Variants in NCKAP1 observed in about 807,000 individuals in gnomAD.
NCKAP1 encodes the protein NCK associated protein 1.
NCKAP1 carries 21 observed loss-of-function variants against 151.2 expected under a neutral mutation model. The ratio of observed to expected loss-of-function variants is 0.14; its 90% CI spans 0.10 to 0.20. The LOEUF is 0.20. Among genes scored for constraint, NCKAP1 ranks in the 10% least tolerant of loss-of-function variants. NCKAP1 has a pLI of 1.00. For synonymous variants in NCKAP1, 484 were observed against 451.8 expected (o/e 1.07, Z -0.90); for missense variants, 933 against 1,352.1 (o/e 0.69, Z 4.86).
rs1697675647 is a variant in NCKAP1, at chr2:182,971,006, A to C, written c.1483-3645T>G. 3.3e-5 allele frequency among the ~76,000 whole-genome samples: 5 copies of C among 152,188 alleles called. No homozygotes were observed. In the South Asian group the frequency reaches 1.0e-3, roughly 32 times the overall value. ...ATCTCATTTACAATAACTACCAAAA[A>C]AAAAGCCTATGAACAAACTTAAACA... On this transcript the variant is annotated intron_variant, in intron 15 of 30. Coordinates refer to ENST00000361354, the MANE Select transcript of NCKAP1 (RefSeq NM_013436.5).
At chr2:183,016,364 T>C (rs1698687627) in intron 2 of NCKAP1, among the ~76,000 whole-genome samples, 2 of 152,122 alleles carry the variant, frequency 1.3e-5, no homozygotes, top group Non-Finnish European at 2.9e-5. Context: ...TCCTGAGGAG[T>C]TCTTTTATTT....
At chr2:183,017,613 G>A (rs371087056) in intron 2 of NCKAP1, among the ~76,000 whole-genome samples, 47 of 152,114 alleles carry the variant, frequency 3.1e-4, no homozygotes, top group Non-Finnish European at 5.1e-4. Context: ...CTGGGCAGCC[G>A]GGTTCCTAAC....
intron 18 of NCKAP1, among the ~76,000 whole-genome samples, chr2:182,958,965 A>G (rs1013712081): frequency 7.9e-5 from 12 of 152,222 alleles, no homozygotes; most frequent in African/African-American, 2.9e-4. Flanking sequence ...TGCTGACATA[A>G]TAACATTTTG....
chr2:182,920,364 C>A lies in NCKAP1; in HGVS notation c.*5338G>T, dbSNP rs1347825297. ...CTGGTGTTCATGCAATTAAAGATGA[C>A]ATGAACATAGACATTCAGAAGCAAC... On this transcript the variant is annotated 3_prime_UTR_variant, in exon 31 of 31. Transcript: ENST00000361354. 6.6e-6 allele frequency: 1 copy of A among 152,148 alleles called. No homozygotes were observed. The highest frequency in any genetic ancestry group is 1.5e-5 in the Non-Finnish European group (1 of 68,044). The allele number at this position is 152,148 out of a possible 1,614,324, so 9.4% of individuals were successfully genotyped here. A position where few individuals can be genotyped will look rare whatever the true frequency, so the allele number is the denominator to read the frequency against.
intron 23 of NCKAP1, among the ~76,000 whole-genome samples, chr2:182,950,411 C>A (rs1415990667): frequency 2.6e-5 from 4 of 151,836 alleles, no homozygotes; most frequent in African/African-American, 9.7e-5. Flanking sequence ...TTATCTCATA[C>A]TGAAGGAACA....
chr2:182,946,234 C>T (rs1199293760), intron 23 of NCKAP1, among the ~76,000 whole-genome samples: 2 of 152,072 alleles, frequency 1.3e-5, no homozygotes, highest in Non-Finnish European at 2.9e-5. Context: ...CCCGTCTCTA[C>T]TAAAAAATAC....
rs117970933 is a variant in NCKAP1, at chr2:182,989,567, C to T, written c.791-381G>A. 7.4e-4 allele frequency among the ~76,000 whole-genome samples: 113 copies of T among 152,210 alleles called. 3 individuals carry two copies. In the East Asian group the frequency reaches 0.012, roughly 16 times the overall value. ...CTTAAAAATAAAGCTTATCTTGGGG[C>T]CCGGTGCTGTGGCTTATGCCTTTAA... On this transcript the variant is annotated intron_variant, in intron 8 of 30. Transcript: ENST00000361354.
In NCKAP1 at chr2:182,942,094, C is replaced by A; in HGVS notation, c.2671G>T (p.Ala891Ser). 1.2e-6 allele frequency: 2 copies of A among 1,612,990 alleles called. No individual in the cohort carries two copies. The highest frequency in any genetic ancestry group is 1.7e-6 in the Non-Finnish European group (2 of 1,179,262). ...CATGATAATCTTTTAAACAGTGCAG[C>A]CATCTGGTCTGGTTTGTCAAAGCTG... Reference protein sequence around the residue: ...RTSFDKPDQMAALFKRLSSVD... With the variant: ...RTSFDKPDQMSALFKRLSSVD... Residue 891 changes from alanine (A) to serine (S), a missense_variant, in exon 24 of 31, where the codon GCT becomes TCT. Ala to Ser is a moderately conservative substitution (Grantham distance 99). This residue lies in a region of NCKAP1 where 326 missense variants were observed against 557.1 expected (regional missense o/e 0.59). Coordinates refer to ENST00000361354, the MANE Select transcript of NCKAP1 (RefSeq NM_013436.5).
intron 2 of NCKAP1, among the ~76,000 whole-genome samples, chr2:183,017,971 C>A (rs757639776): frequency 6.6e-6 from 1 of 152,066 alleles, no homozygotes. Context: ...GATACCTGGC[C>A]GGGTGCGGTG....
Position 182,920,348 on chromosome 2 carries a change from A to G in NCKAP1, c.*5354T>C, listed in dbSNP as rs1171534641. 1 of 152,188 alleles carries G rather than the reference A, an allele frequency of 6.6e-6. No individual in the cohort carries two copies. The highest frequency in any genetic ancestry group is 2.1e-4 in the South Asian group (1 of 4,826). The allele number at this position is 152,188 out of a possible 1,614,324, so 9.4% of individuals were successfully genotyped here. ...AGGGAAGATGCTAAAACTGGTGTTCATGCAATTAAAGATGACATGAACATA... is the reference window on the plus strand; with the variant it reads ...AGGGAAGATGCTAAAACTGGTGTTCGTGCAATTAAAGATGACATGAACATA... On this transcript the variant is annotated 3_prime_UTR_variant, in exon 31 of 31. Coordinates refer to ENST00000361354, the MANE Select transcript of NCKAP1 (RefSeq NM_013436.5).
intron 20 of NCKAP1, among the ~76,000 whole-genome samples, chr2:182,955,665 C>T (rs920297669): frequency 6.6e-6 from 1 of 152,170 alleles, no homozygotes. Flanking sequence ...TGACCTACTG[C>T]ATGACACGCA....
At chr2:182,985,458 T>C (rs1698034927) in intron 10 of NCKAP1, among the ~76,000 whole-genome samples, 2 of 151,522 alleles carry the variant, frequency 1.3e-5, no homozygotes, top group African/African-American at 4.9e-5. Flanking sequence ...TTAGGATATC[T>C]ATATATTTAC....
At chr2:183,020,838 C>T (rs184469898) in intron 2 of NCKAP1, among the ~76,000 whole-genome samples, 134 of 152,266 alleles carry the variant, frequency 8.8e-4, no homozygotes, top group Admixed American at 8.8e-3. Flanking sequence ...ACTGAAACCT[C>T]ACTTCTCATG....
intron 2 of NCKAP1, among the ~76,000 whole-genome samples, chr2:183,020,311 A>G (rs962599713): frequency 2.6e-5 from 4 of 151,812 alleles, no homozygotes; most frequent in African/African-American, 9.7e-5. Context: ...AAATATACAA[A>G]AAGTTAGCCA....
chr2:182,930,964 T>C (rs113502132), intron 26 of NCKAP1, among the ~76,000 whole-genome samples, 176 bp from the exon 27 acceptor site: 11 of 152,250 alleles, frequency 7.2e-5, no homozygotes, highest in African/African-American at 2.6e-4. Flanking sequence ...GGTTGAATAC[T>C]GTGAGGTGCT....
In NCKAP1 at chr2:183,001,906, CTA is replaced by C. The variant is rs761492426; in HGVS notation, c.603+45_603+46del. On this transcript the variant is annotated intron_variant, in intron 6 of 30. Coordinates refer to ENST00000361354, the MANE Select transcript of NCKAP1 (RefSeq NM_013436.5). ...CTTTATCCAACCATCCATCCTCATG[CTA>C]TGTTATATGCCCATTCTCTCATATG... 7.3e-5 allele frequency: 109 copies of C among 1,493,292 alleles called. 3 individuals carry two copies. The Admixed American group carries it at 1.8e-3, about 25-fold the overall frequency. 92.5% of individuals were successfully genotyped at this position (1,493,292 alleles called of 1,614,324 possible).
chr2:182,964,783 T>C lies in NCKAP1; in HGVS notation c.1654A>G (p.Met552Val). 2 of 1,605,060 alleles carry C rather than the reference T, an allele frequency of 1.2e-6. No homozygotes were observed. The highest frequency in any genetic ancestry group is 1.1e-5 in the South Asian group (1 of 88,978). Residue 552 changes from methionine (M) to valine (V), a missense_variant, in exon 17 of 31, where the codon ATG becomes GTG. Coordinates refer to ENST00000361354, the MANE Select transcript of NCKAP1 (RefSeq NM_013436.5). ...FCFYSRAFEK[M>V]FQQCLELPSQ... ...GGTAACTCCAAACACTGTTGAAACA[T>C]CTTCTCAAAAGCACGACTATAAAAA...
chr2:183,015,801 C>T lies in NCKAP1; in HGVS notation c.219+8005G>A, dbSNP rs187709921. Among the ~76,000 whole-genome samples, 504 of 141,020 alleles carry T rather than the reference C, an allele frequency of 3.6e-3. 1 individual carries two copies. Among genetic ancestry groups the T allele is most frequent in the Middle Eastern group, 7.3e-3 (2 of 274 alleles). The allele number at this position is 141,020 out of a possible 152,430, so 92.5% of individuals were successfully genotyped here. On this transcript the variant is annotated intron_variant, in intron 2 of 30. Coordinates refer to ENST00000361354, the MANE Select transcript of NCKAP1 (RefSeq NM_013436.5). ...ATCAGAACACTGTATAATTACAGAA[C>T]CAAAAAAAAAAGCATTAACAATTTT... is the stretch of plus-strand genomic sequence containing the variant.
At chr2:182,973,891 C>T (rs564324633) in intron 15 of NCKAP1, among the ~76,000 whole-genome samples, 1 of 152,254 alleles carries the variant, frequency 6.6e-6, no homozygotes, top group Admixed American at 6.5e-5. Context: ...CCTTCTAAGA[C>T]TGAAATTAAC....
Sources: gnomAD v4.1 joint callset for allele counts (sites outside exome capture counted in the v4.1 genomes callset) on GRCh38, gnomAD v4.1.1 for gene constraint, gnomAD v4.1.1 regional missense constraint, MANE v1.5 for transcripts, NCBI Gene and HGNC (gene_info 2026-07-23, HGNC 2026-07-21) for gene names.